Variants in CLSPN observed in about 807,000 individuals in gnomAD.
CLSPN encodes the protein claspin.
Under a neutral mutation model 156.3 loss-of-function variants are expected in CLSPN, and 85 were observed. That is an observed-to-expected ratio of 0.54 (90% CI 0.46 to 0.65). CLSPN has a LOEUF of 0.65. CLSPN is among the 30% of genes least tolerant of loss of function. The pLI is 0.00. For synonymous variants in CLSPN, 534 were observed against 542.4 expected, an observed-to-expected ratio of 0.98 and a Z score of 0.22; for missense variants, 1,407 against 1,554.9, an observed-to-expected ratio of 0.90 and a Z score of 1.60.
chr1:35,731,658 C>G (rs1011324880), downstream of CLSPN, among the ~76,000 whole-genome samples: 7 of 152,044 alleles, frequency 4.6e-5, no homozygotes, highest in Non-Finnish European at 8.8e-5. Flanking sequence ...GGCCATAGAG[C>G]TGGAAGAAAT....
At position 35,749,749 on chromosome 1, in the gene CLSPN, T is replaced by C. The variant is rs760995181; in HGVS notation, c.2091A>G (p.Lys697=). ...IETKDEKEMD[K]ENNDGSSEIG... is the part of the protein sequence containing the mutation. ...TTTCACTACTGCCATCATTATTTTC[T>C]TTATCCATTTCTTTTTCATCTTTTG... Residue 697 remains lysine (K), a synonymous_variant, in exon 11 of 25, where the codon AAA becomes AAG. Coordinates refer to ENST00000318121, the MANE Select transcript of CLSPN (RefSeq NM_022111.4). 3.0e-5 allele frequency: 49 copies of C among 1,613,992 alleles called. No individual in the cohort carries two copies. The highest frequency in any genetic ancestry group is 1.1e-5 in the Non-Finnish European group (13 of 1,179,968).
chr1:35,764,449 C>A lies in CLSPN; in HGVS notation c.399G>T (p.Glu133Asp), dbSNP rs779437532. The A allele has an allele frequency of 1.9e-6, 3 of 1,614,164 alleles. No individual in the cohort carries two copies. The highest frequency in any genetic ancestry group is 2.5e-6 in the Non-Finnish European group (3 of 1,180,016). The change falls in exon 3 of 25, where the codon GAG (glutamate) becomes GAT (aspartate). Residue 133 changes from glutamate to aspartate, a missense_variant. Glu to Asp is a conservative substitution (Grantham distance 45). Around this residue, in one of 3 missense-constraint regions of CLSPN, gnomAD observed 1,096 missense variants for 1,193.0 expected, o/e 0.92. Coordinates refer to ENST00000318121, the MANE Select transcript of CLSPN (RefSeq NM_022111.4). ...NLEAQVKPCL[E>D]LSLQSGNSTD... ...TAGAGTTTCCAGACTGAAGACTCAG[C>A]TCTAAGCAAGGTTTCACTTGCGCTT...
At chr1:35,744,478 T>C (rs1480844721) in intron 16 of CLSPN, among the ~76,000 whole-genome samples, 1 of 152,068 alleles carries the variant, frequency 6.6e-6, no homozygotes, top group African/African-American at 2.4e-5. Context: ...ATTTTTTTTA[T>C]AGGGATGGGG....
In CLSPN at chr1:35,762,010, G is replaced by T; in HGVS notation, c.883C>A (p.Arg295Ser). Residue 295 changes from arginine to serine, a missense_variant, in exon 6 of 25, where the codon CGC becomes AGC. Around this residue, in one of 3 missense-constraint regions of CLSPN, gnomAD observed 1,096 missense variants for 1,193.0 expected, o/e 0.92. Coordinates refer to ENST00000318121, the MANE Select transcript of CLSPN (RefSeq NM_022111.4). ...TGGGTTGCATTACCTCGAATAAGGCGCTGAGTCTCACTATGCAGTTGTTTT... is the reference window on the plus strand; with the variant it reads ...TGGGTTGCATTACCTCGAATAAGGCTCTGAGTCTCACTATGCAGTTGTTTT... ...ALKQLHSETQ[R>S]LIRESALNLP... is the part of the protein sequence containing the mutation. 1 of 1,612,356 alleles carries T rather than the reference G, an allele frequency of 6.2e-7. No individual in the cohort carries two copies. Among genetic ancestry groups the T allele is most frequent in the South Asian group, 1.1e-5 (1 of 90,952 alleles).
intron 9 of CLSPN, among the ~76,000 whole-genome samples, chr1:35,751,808 A>C (rs1642095747): frequency 6.6e-6 from 1 of 152,030 alleles, no homozygotes; most frequent in Non-Finnish European, 1.5e-5. Context: ...AACATTGATA[A>C]ATTTACCTAT....
chr1:35,760,827 G>C lies in CLSPN; in HGVS notation c.1094C>G (p.Ser365Cys). 6.2e-7 allele frequency: 1 copy of C among 1,613,884 alleles called. No individual in the cohort carries two copies. The highest frequency in any genetic ancestry group is 8.5e-7 in the Non-Finnish European group (1 of 1,179,962). ...ATTTTCTGCACCTGTTGTCTGCTCA[G>C]AACCTTTACTATGGTGATCACTGTT... ...EMNSDHHSKG[S>C]EQTTGAENEV... Residue 365 changes from serine (S) to cysteine (C), a missense_variant, in exon 8 of 25, where the codon TCT becomes TGT. Ser to Cys is a moderately radical substitution (Grantham distance 112, BLOSUM62 -1). Coordinates refer to ENST00000318121, the MANE Select transcript of CLSPN (RefSeq NM_022111.4).
chr1:35,736,752 G>T, intron 24 of CLSPN, 146 bp from the exon 25 acceptor site: 1 of 1,368,160 alleles, frequency 7.3e-7, no homozygotes, highest in South Asian at 1.5e-5. Context: ...AAGTTTAAAA[G>T]TTGATTACCG....
Position 35,732,969 on chromosome 1 carries a change from TTC to T in CLSPN, c.*3525_*3526del. The T allele has an allele frequency of 2.0e-6, 2 of 985,086 alleles. No individual in the cohort carries two copies. Among genetic ancestry groups the T allele is most frequent in the Non-Finnish European group, 2.4e-6 (2 of 829,688 alleles). The allele number at this position is 985,086 out of a possible 1,614,324, so 61.0% of individuals were successfully genotyped here. Reference sequence around the variant, plus strand: ...CTCAATCAGAAACCATTTTCTTTCTTTCTTTTTTTTTTTGAGAGGGAGTCTCA... The same window carrying T: ...CTCAATCAGAAACCATTTTCTTTCTTTTTTTTTTTTTGAGAGGGAGTCTCA... On this transcript the variant is annotated 3_prime_UTR_variant, in exon 25 of 25. Coordinates refer to ENST00000318121, the MANE Select transcript of CLSPN (RefSeq NM_022111.4).
chr1:35,723,088 T>G (rs1297911881), intron 24 of CLSPN, among the ~76,000 whole-genome samples: 1 of 152,188 alleles, frequency 6.6e-6, no homozygotes, highest in Non-Finnish European at 1.5e-5. Context: ...GATGTCCATG[T>G]CCACAGGAAG....
At chr1:35,753,650 T>C in intron 9 of CLSPN, 95 bp downstream of exon 9, 1 of 1,214,666 alleles carries the variant, frequency 8.2e-7, no homozygotes, top group Non-Finnish European at 1.2e-6. Context: ...AGGAAAAAGA[T>C]TCTATAACTT....
intron 8 of CLSPN, among the ~76,000 whole-genome samples, chr1:35,759,608 GA>G (rs1642403381): frequency 6.6e-6 from 1 of 152,086 alleles, no homozygotes; most frequent in African/African-American, 2.4e-5. Flanking sequence ...TTTGTTGAAT[GA>G]GTGAAAACAA....
chr1:35,732,556 A>C lies in CLSPN; in HGVS notation c.*3940T>G. The C allele has an allele frequency of 1.0e-6, 1 of 985,366 alleles. No individual in the cohort carries two copies. Among genetic ancestry groups the C allele is most frequent in the Non-Finnish European group, 1.2e-6 (1 of 829,910 alleles). The allele number at this position is 985,366 out of a possible 1,614,324, so 61.0% of individuals were successfully genotyped here. ...GTGAATTAATGAGATGAAATTAGAG[A>C]CCTGTTTAAAGAGGTTAATACCATG... On this transcript the variant is annotated 3_prime_UTR_variant, in exon 25 of 25. Coordinates refer to ENST00000318121, the MANE Select transcript of CLSPN (RefSeq NM_022111.4).
chr1:35,747,152 C>T (rs896077820), intron 14 of CLSPN, among the ~76,000 whole-genome samples, 160 bp from the exon 15 acceptor site: 5 of 152,122 alleles, frequency 3.3e-5, no homozygotes, highest in African/African-American at 7.2e-5. Context: ...GAAACCCCGT[C>T]TCTACTAAAA....
intron 18 of CLSPN, among the ~76,000 whole-genome samples, chr1:35,740,605 G>A (rs1186085299): frequency 6.6e-6 from 1 of 151,954 alleles, no homozygotes. Context: ...TTTTAGTAGA[G>A]ATAGGGTTTC....
In CLSPN at chr1:35,744,168, C is replaced by T. The variant is rs115367065; in HGVS notation, c.2967-638G>A. Reference sequence around the variant, plus strand: ...TTATAACCTCAGTCTCTGGCAACCACCATTCTACCTTCTGTCTCTATGCAT... The same window carrying T: ...TTATAACCTCAGTCTCTGGCAACCATCATTCTACCTTCTGTCTCTATGCAT... On this transcript the variant is annotated intron_variant, in intron 16 of 24. Coordinates refer to ENST00000318121, the MANE Select transcript of CLSPN (RefSeq NM_022111.4). Among the ~76,000 whole-genome samples, 371 of 152,322 alleles carry T rather than the reference C, an allele frequency of 2.4e-3. 4 individuals are homozygous for T. The highest frequency in any genetic ancestry group is 8.6e-3 in the African/African-American group (358 of 41,566).
At chr1:35,755,289 C>T (rs1571213244) in intron 8 of CLSPN, among the ~76,000 whole-genome samples, 2 of 145,044 alleles carry the variant, frequency 1.4e-5, no homozygotes, top group African/African-American at 5.2e-5. Flanking sequence ...TTTTTTGAGA[C>T]GGAGTCTCAC....
chr1:35,728,551 C>G (rs1275932428), downstream of CLSPN, among the ~76,000 whole-genome samples: 1 of 152,104 alleles, frequency 6.6e-6, no homozygotes, highest in Non-Finnish European at 1.5e-5. Flanking sequence ...AAGTTCTTCC[C>G]TAATGTCTAA....
intron 14 of CLSPN, 123 bp downstream of exon 14, chr1:35,747,784 C>T: frequency 1.1e-6 from 1 of 900,994 alleles, no homozygotes; most frequent in Non-Finnish European, 1.7e-6. Context: ...TACTAATGGT[C>T]TGTACACCTT....
chr1:35,739,336 TACTC>T (rs1641608343), intron 19 of CLSPN, 25 bp downstream of exon 19: 19 of 1,613,774 alleles, frequency 1.2e-5, no homozygotes, highest in Non-Finnish European at 1.6e-5. Flanking sequence ...TGTACCCTAT[TACTC>T]AGAAGGGCTT....
Sources: allele counts gnomAD v4.1 joint callset (sites outside exome capture counted in the v4.1 genomes callset), GRCh38; gene constraint gnomAD v4.1.1; regional missense constraint gnomAD v4.1.1; transcripts MANE v1.5; gene names NCBI Gene and HGNC (gene_info 2026-07-23, HGNC 2026-07-21).